MCOLN1: variants seen among roughly 807,000 people sequenced by gnomAD.
MCOLN1 encodes the protein mucolipin-1.
In MCOLN1, 50 loss-of-function variants were observed where a neutral mutation model predicts 70.3. That is an observed-to-expected ratio of 0.71 (90% CI 0.57 to 0.90). The LOEUF (loss-of-function observed/expected upper bound fraction) is 0.90. MCOLN1 is among the 40% of genes least tolerant of loss of function. The probability of loss-of-function intolerance (pLI) is 0.00; values close to 1 mark genes in which losing one functional copy is unlikely to be tolerated. For synonymous variants in MCOLN1, 366 were observed against 341.0 expected (o/e 1.07, Z -0.81); for missense variants, 598 against 803.5 (o/e 0.74, Z 3.09).
intron 11 of MCOLN1, 102 bp from the exon 12 acceptor site, chr19:7,530,166 CCATTCATGTGGGGCCCCA>C: frequency 2.5e-6 from 1 of 408,030 alleles, no homozygotes; most frequent in Non-Finnish European, 4.4e-6. Context: ...CGGGACCCGG[CCATTCATGTGGGGCCCCA>C]GCCACCAGCT....
Position 7,526,995 on chromosome 19 carries a change from C to T in MCOLN1, c.571+69C>T. On this transcript the variant is annotated intron_variant, in intron 4 of 13. Transcript: ENST00000264079. This position sits in a 1 kb window ranked among gnomAD's most constrained non-coding sequence, Gnocchi z 4.6. ...CTGGGATTAAAATCAACAGCTGTGG[C>T]TGGGCACGGTGGCTCACGCCTATAA... 1 of 1,596,724 alleles carries T rather than the reference C, an allele frequency of 6.3e-7. No individual in the cohort carries two copies. Among genetic ancestry groups the T allele is most frequent in the South Asian group, 1.1e-5 (1 of 90,526 alleles).
chr19:7,526,665 AGTTGGGCGGGCAGGTGCT>A lies in MCOLN1; in HGVS notation c.405+61_406-77del. On this transcript the variant is annotated intron_variant, in intron 3 of 13. Transcript: ENST00000264079. The surrounding 1 kb of genome is among the most constrained non-coding windows in gnomAD (Gnocchi z 4.6). ...CAGGTGCAGGTGGGCGGGCAGGTGC[AGTTGGGCGGGCAGGTGCT>A]GGTGGGCGGGCAGGTGCAGGTGGGT... 1.1e-6 allele frequency: 1 copy of A among 891,066 alleles called. No individual in the cohort carries two copies. The allele number at this position is 891,066 out of a possible 1,614,324, so 55.2% of individuals were successfully genotyped here. A position where few individuals can be genotyped will look rare whatever the true frequency, so the allele number is the denominator to read the frequency against.
intron 5 of MCOLN1, 94 bp downstream of exon 5, chr19:7,527,722 G>T (rs750958405): frequency 9.2e-7 from 1 of 1,090,340 alleles, no homozygotes; most frequent in African/African-American, 1.5e-5. Context: ...GTGGGGACAG[G>T]GCCCCCCCGC....
chr19:7,525,257 C>G lies in MCOLN1; in HGVS notation c.237+91C>G. 1 of 1,210,938 alleles carries G rather than the reference C, an allele frequency of 8.3e-7. No homozygotes were observed. Among genetic ancestry groups the G allele is most frequent in the Non-Finnish European group, 1.2e-6 (1 of 831,182 alleles). The allele number at this position is 1,210,938 out of a possible 1,614,324, so 75.0% of individuals were successfully genotyped here. A position where few individuals can be genotyped will look rare whatever the true frequency, so the allele number is the denominator to read the frequency against. ...GTCTTAAAGCAGCACTTTGGAAGGC[C>G]GAGGCCGGTGGATCGCTTGAGGCTG... On this transcript the variant is annotated intron_variant, in intron 2 of 13. Transcript: ENST00000264079. This position sits in a 1 kb window ranked among gnomAD's most constrained non-coding sequence, Gnocchi z 4.2.
chr19:7,527,273 A>C, intron 4 of MCOLN1: 1 of 174,204 alleles, frequency 5.7e-6, no homozygotes, highest in Non-Finnish European at 1.1e-5. Context: ...CCCTGTCTCA[A>C]AAAAAAAAAA....
At chr19:7,529,515 A>AC in intron 10 of MCOLN1, 75 bp from the exon 11 acceptor site, 23 of 407,440 alleles carry the variant, frequency 5.6e-5, no homozygotes, top group Non-Finnish European at 7.1e-5. Flanking sequence ...CGCCCCTCCC[A>AC]CCCCCATCTG....
In MCOLN1 at chr19:7,526,102, T is replaced by C; in HGVS notation, c.238-337T>C. The C allele has an allele frequency of 2.5e-6, 1 of 397,744 alleles. No individual in the cohort carries two copies. The highest frequency in any genetic ancestry group is 4.8e-6 in the Non-Finnish European group (1 of 209,942). 24.6% of individuals were successfully genotyped at this position (397,744 alleles called of 1,614,324 possible). The stretch of plus-strand genomic sequence containing the variant: ...AGGGACCCAGTCATGGTACTTACCC[T>C]GAAAGTTTGGGTTTAACACAGAATC... On this transcript the variant is annotated intron_variant, in intron 2 of 13. Transcript: ENST00000264079. This position sits in a 1 kb window ranked among gnomAD's most constrained non-coding sequence, Gnocchi z 4.6.
rs199588225 is a variant in MCOLN1, at chr19:7,528,256, C to T, written c.876C>T (p.His292=). The T allele has an allele frequency of 5.3e-5, 86 of 1,613,794 alleles. 1 individual carries two copies. The East Asian group carries it at 1.0e-3, about 19-fold the overall frequency. ...GTAAGCACCCCAGTGTCTTCCAGCA[C>T]GGTGAGCCCCTGAGCCCCAGACCAG... ...QECKHPSVFQ[H]GDNSFRLLFD... Residue 292 remains histidine, a splice_region_variant and synonymous_variant, in exon 7 of 14, where the codon CAC becomes CAT. Transcript: ENST00000264079. This position sits in a 1 kb window ranked among gnomAD's most constrained non-coding sequence, Gnocchi z 4.2.
Position 7,526,301 on chromosome 19 carries a change from C to G in MCOLN1, c.238-138C>G. The G allele has an allele frequency of 1.0e-6, 1 of 973,372 alleles. No individual in the cohort carries two copies. The highest frequency in any genetic ancestry group is 1.6e-6 in the Non-Finnish European group (1 of 610,110). The allele number at this position is 973,372 out of a possible 1,614,324, so 60.3% of individuals were successfully genotyped here. ...GCACAAGTGAAATCCGTGTTTGTGG[C>G]CCAAGTTAGCAGGGCCCTGCCCCAC... is the stretch of plus-strand genomic sequence containing the variant. On this transcript the variant is annotated intron_variant, in intron 2 of 13. Coordinates refer to ENST00000264079, the MANE Select transcript of MCOLN1 (RefSeq NM_020533.3). The surrounding 1 kb of genome is among the most constrained non-coding windows in gnomAD (Gnocchi z 4.6).
rs760880700 is a variant in MCOLN1 at position 7,527,684 on chromosome 19, C to T, written c.680+56C>T. The stretch of plus-strand genomic sequence containing the variant: ...GGTGGGGGAGGCAGCACACTAGGCA[C>T]TCTCACCCCAGCAACTACTTCCCTA... On this transcript the variant is annotated intron_variant, in intron 5 of 13. Coordinates refer to ENST00000264079, the MANE Select transcript of MCOLN1 (RefSeq NM_020533.3). The T allele has an allele frequency of 3.2e-5, 41 of 1,276,938 alleles. No individual in the cohort carries two copies. The South Asian group carries it at 3.4e-4, about 11-fold the overall frequency. The allele number at this position is 1,276,938 out of a possible 1,614,324, so 79.1% of individuals were successfully genotyped here.
At chr19:7,527,670 C>A in intron 5 of MCOLN1, 42 bp downstream of exon 5, 1 of 1,395,918 alleles carries the variant, frequency 7.2e-7, no homozygotes, top group Non-Finnish European at 1.0e-6. Flanking sequence ...GTGGGGGAGG[C>A]AGCACACTAG....
At chr19:7,531,622 A>C (rs2022653878) in intron 12 of MCOLN1, among the ~76,000 whole-genome samples, 1 of 151,098 alleles carries the variant, frequency 6.6e-6, no homozygotes, top group Admixed American at 6.6e-5. Context: ...CCCAGCCCCC[A>C]GCCATGCCCC....
In MCOLN1 at chr19:7,526,262, C is replaced by A; in HGVS notation, c.238-177C>A. On this transcript the variant is annotated intron_variant, in intron 2 of 13. Transcript: ENST00000264079. The surrounding 1 kb of genome is among the most constrained non-coding windows in gnomAD (Gnocchi z 4.6). ...TGCCAGGAGGTGGGGTGAAATTAAT[C>A]AAAGCAAAGAAATGCACAAGTGAAA... The A allele has an allele frequency of 1.3e-6, 1 of 756,476 alleles. No homozygotes were observed. The highest frequency in any genetic ancestry group is 1.6e-5 in the South Asian group (1 of 63,940). 46.9% of individuals were successfully genotyped at this position (756,476 alleles called of 1,614,324 possible).
Position 7,525,066 on chromosome 19 carries a change from A to G in MCOLN1, c.137A>G (p.Lys46Arg), listed in dbSNP as rs893292707. Residue 46 changes from lysine (K) to arginine (R), a missense_variant, in exon 2 of 14, where the codon AAA (lysine) becomes AGA (arginine). Transcript: ENST00000264079. This position sits in a 1 kb window ranked among gnomAD's most constrained non-coding sequence, Gnocchi z 4.2. ...PEEEDLRRRL[K>R]YFFMSPCDKF... ...GAGGAAGACCTTCGCCGTCGTCTCA[A>G]ATACTTTTTCATGAGTCCCTGCGAC... 2.5e-6 allele frequency: 4 copies of G among 1,614,046 alleles called. No individual in the cohort carries two copies. The Admixed American group carries it at 5.0e-5, about 20-fold the overall frequency.
chr19:7,523,620 C>T (rs563301640), intron 1 of MCOLN1, among the ~76,000 whole-genome samples: 3 of 152,338 alleles, frequency 2.0e-5, no homozygotes, highest in Non-Finnish European at 2.9e-5. Context: ...CAGCACGGGG[C>T]CAGGCCCTAG....
At chr19:7,523,070 G>C (rs2022517924) in intron 1 of MCOLN1, among the ~76,000 whole-genome samples, 2 of 152,136 alleles carry the variant, frequency 1.3e-5, no homozygotes, top group African/African-American at 4.8e-5. Context: ...TTCCCACTGG[G>C]AGCCTAGGTT....
chr19:7,522,739 T>C lies in MCOLN1; in HGVS notation c.-12T>C, dbSNP rs2146019150. On this transcript the variant is annotated 5_prime_UTR_variant, in exon 1 of 14. Coordinates refer to ENST00000264079, the MANE Select transcript of MCOLN1 (RefSeq NM_020533.3). ...CGCCGTACCCGCCTGCGTCCCGCGC[T>C]CCCGCCCCAGCATGACAGCCCCGGC... The C allele has an allele frequency of 6.9e-7, 1 of 1,451,208 alleles. No individual in the cohort carries two copies. Among genetic ancestry groups the C allele is most frequent in the South Asian group, 1.4e-5 (1 of 73,912 alleles). 89.9% of individuals were successfully genotyped at this position (1,451,208 alleles called of 1,614,324 possible).
Position 7,528,450 on chromosome 19 carries a change from T to C in MCOLN1, c.878-147T>C. The C allele has an allele frequency of 8.9e-7, 1 of 1,124,192 alleles. No homozygotes were observed. The highest frequency in any genetic ancestry group is 2.6e-5 in the East Asian group (1 of 38,916). 69.6% of individuals were successfully genotyped at this position (1,124,192 alleles called of 1,614,324 possible). On this transcript the variant is annotated intron_variant, in intron 7 of 13. Coordinates refer to ENST00000264079, the MANE Select transcript of MCOLN1 (RefSeq NM_020533.3). The surrounding 1 kb of genome is among the most constrained non-coding windows in gnomAD (Gnocchi z 4.2). ...CCCAGACCAGCACTGACCGGGGTTCTTGACTCACCCCAAGCAAGCCCTGAG... is the reference window on the plus strand; with the variant it reads ...CCCAGACCAGCACTGACCGGGGTTCCTGACTCACCCCAAGCAAGCCCTGAG...
intron 12 of MCOLN1, among the ~76,000 whole-genome samples, chr19:7,533,205 C>T (rs1409612678): frequency 6.6e-6 from 1 of 152,230 alleles, no homozygotes; most frequent in Non-Finnish European, 1.5e-5. Context: ...CTGTGCTCAG[C>T]GTGCATCCAG....
Sources: gnomAD v4.1 joint callset for allele counts (sites outside exome capture counted in the v4.1 genomes callset) on GRCh38, gnomAD v4.1.1 for gene constraint, Gnocchi (gnomAD v3.1) non-coding constraint, MANE v1.5 for transcripts, NCBI Gene and HGNC (gene_info 2026-07-23, HGNC 2026-07-21) for gene names.